RAB1A: variants seen among roughly 807,000 people sequenced by gnomAD.
RAB1A encodes ras-related protein Rab-1A.
In RAB1A, 2 loss-of-function variants were observed where a neutral mutation model predicts 26.0. The observed-to-expected ratio is 0.08, with a 90% CI of 0.03 to 0.24. The LOEUF (loss-of-function observed/expected upper bound fraction) is 0.24. Among genes scored for constraint, RAB1A ranks in the 10% least tolerant of loss-of-function variants. RAB1A has a pLI of 1.00. For missense variants in RAB1A, 100 were observed against 247.0 expected (o/e 0.40, Z 3.99); for synonymous variants, 84 against 84.9 (o/e 0.99, Z 0.06).
chr2:65,120,474 A>G (rs1176416537), intron 1 of RAB1A, among the ~76,000 whole-genome samples: 2 of 151,594 alleles, frequency 1.3e-5, no homozygotes, highest in Non-Finnish European at 2.9e-5. Context: ...AAAAAAAAAA[A>G]AAAAAACTCA....
chr2:65,127,064 C>A (rs1422911311), intron 1 of RAB1A, among the ~76,000 whole-genome samples: 1 of 152,134 alleles, frequency 6.6e-6, no homozygotes, highest in Non-Finnish European at 1.5e-5. Context: ...ACTAAACAGT[C>A]TAGAATACAA....
rs1265848277 is a variant in RAB1A at position 65,129,210 on chromosome 2, A to AAC, written c.23+682_23+683insGT. Among the ~76,000 whole-genome samples, 3 of 151,900 alleles carry AAC rather than the reference A, an allele frequency of 2.0e-5. No individual in the cohort carries two copies. In the South Asian group the frequency reaches 6.2e-4, roughly 32 times the overall value. ...TAGGTGTCCTCTTTAAAAAAAAAAA[A>AAC]AACAAAATTCTCACAAATGCCCAGG... On this transcript the variant is annotated intron_variant, in intron 1 of 5. Coordinates refer to ENST00000409784, the MANE Select transcript of RAB1A (RefSeq NM_004161.5).
chr2:65,105,267 G>A, intron 1 of RAB1A: 1 of 207,640 alleles, frequency 4.8e-6, no homozygotes, highest in Non-Finnish European at 9.9e-6. Flanking sequence ...CACTTTGGGA[G>A]GCTGAGGCAG....
At chr2:65,123,926 T>G (rs1573093404) in intron 1 of RAB1A, among the ~76,000 whole-genome samples, 1 of 152,230 alleles carries the variant, frequency 6.6e-6, no homozygotes, top group East Asian at 1.9e-4. Flanking sequence ...ACTAAAATAT[T>G]TGATGGTTAA....
intron 4 of RAB1A, 46 bp downstream of exon 4, chr2:65,090,937 G>C: frequency 7.7e-7 from 1 of 1,303,142 alleles, no homozygotes; most frequent in Non-Finnish European, 1.1e-6. Flanking sequence ...ATCAAATAAT[G>C]GCTTCCTACT....
At position 65,098,833 on chromosome 2, in the gene RAB1A, C is replaced by CTTTTT. The variant is rs1385281303; in HGVS notation, c.97-768_97-767insAAAAA. On this transcript the variant is annotated intron_variant, in intron 2 of 5. Transcript: ENST00000409784. The stretch of plus-strand genomic sequence containing the variant: ...ATCCATGTTGTACCATGTAACAGTA[C>CTTTTT]TTCTTTTTTTTTTTTTTTTTGAGGC... 2.9e-3 allele frequency among the ~76,000 whole-genome samples: 113 copies of CTTTTT among 39,504 alleles called. 3 individuals are homozygous for CTTTTT. In the East Asian group the frequency reaches 0.058, roughly 20 times the overall value. The allele number at this position is 39,504 out of a possible 152,430, so 25.9% of individuals were successfully genotyped here. A position where few individuals can be genotyped will look rare whatever the true frequency, so the allele number is the denominator to read the frequency against.
chr2:65,106,767 T>C (rs1376314241), intron 1 of RAB1A, among the ~76,000 whole-genome samples: 2 of 151,240 alleles, frequency 1.3e-5, no homozygotes, highest in African/African-American at 2.4e-5. Flanking sequence ...TAGAATATTA[T>C]CCTTAATAAA....
intron 1 of RAB1A, among the ~76,000 whole-genome samples, chr2:65,117,962 T>G (rs907566406): frequency 1.3e-5 from 2 of 152,228 alleles, no homozygotes; most frequent in Non-Finnish European, 2.9e-5. Flanking sequence ...GAGTTAAAAT[T>G]CCAATTCAGT....
chr2:65,095,132 A>G (rs982969410), intron 3 of RAB1A, among the ~76,000 whole-genome samples: 7 of 152,178 alleles, frequency 4.6e-5, no homozygotes, highest in African/African-American at 1.7e-4. Context: ...AAAAAGAAAA[A>G]AAGAAGAATC....
chr2:65,094,526 G>A (rs1669240314), intron 3 of RAB1A, among the ~76,000 whole-genome samples: 1 of 150,564 alleles, frequency 6.6e-6, no homozygotes, highest in African/African-American at 2.4e-5. Flanking sequence ...GGAGGTTGCA[G>A]TGAGCCGAGA....
intron 1 of RAB1A, among the ~76,000 whole-genome samples, chr2:65,124,235 C>T (rs1670042110): frequency 6.6e-6 from 1 of 152,078 alleles, no homozygotes; most frequent in African/African-American, 2.4e-5. Context: ...CTGCCTGCCT[C>T]GGCCTCCCAA....
At chr2:65,110,795 G>A (rs898810742) in intron 1 of RAB1A, among the ~76,000 whole-genome samples, 2 of 151,926 alleles carry the variant, frequency 1.3e-5, no homozygotes, top group Non-Finnish European at 2.9e-5. Context: ...AATTAGCTGG[G>A]TGTGGTGGTC....
chr2:65,112,630 A>T (rs1264373381), intron 1 of RAB1A, among the ~76,000 whole-genome samples: 2 of 152,168 alleles, frequency 1.3e-5, no homozygotes, highest in African/African-American at 2.4e-5. Context: ...ATTTTAATTT[A>T]AAAAGTTCAC....
Position 65,086,945 on chromosome 2 carries a change from A to C in RAB1A, c.*1548T>G, listed in dbSNP as rs543511407. Reference sequence around the variant, plus strand: ...TCATTTTACAATTATCTTACCACTTATTTTTGTACCATGTATTTCAATTGC... The same window carrying C: ...TCATTTTACAATTATCTTACCACTTCTTTTTGTACCATGTATTTCAATTGC... On this transcript the variant is annotated 3_prime_UTR_variant, in exon 6 of 6. Transcript: ENST00000409784. 1 of 152,690 alleles carries C rather than the reference A, an allele frequency of 6.5e-6. No individual in the cohort carries two copies. Among genetic ancestry groups the C allele is most frequent in the East Asian group, 1.9e-4 (1 of 5,192 alleles). The allele number at this position is 152,690 out of a possible 1,614,324, so 9.5% of individuals were successfully genotyped here.
chr2:65,099,570 T>C (rs565148383), intron 2 of RAB1A, among the ~76,000 whole-genome samples: 7 of 152,344 alleles, frequency 4.6e-5, no homozygotes, highest in African/African-American at 1.7e-4. Flanking sequence ...GCCAATATGG[T>C]AGCCATTAGC....
intron 1 of RAB1A, among the ~76,000 whole-genome samples, chr2:65,110,159 C>T (rs1185056104): frequency 6.6e-6 from 1 of 152,004 alleles, no homozygotes; most frequent in Non-Finnish European, 1.5e-5. Context: ...ATACAGGAGC[C>T]GGTCGGGCTT....
intron 1 of RAB1A, among the ~76,000 whole-genome samples, chr2:65,108,606 A>G (rs1474720379): frequency 6.6e-6 from 1 of 152,110 alleles, no homozygotes; most frequent in Admixed American, 6.6e-5. Flanking sequence ...TGGGAGTTCG[A>G]GACCAGCCTG....
At chr2:65,091,561 T>G (rs1669172866) in intron 3 of RAB1A, among the ~76,000 whole-genome samples, 1 of 152,140 alleles carries the variant, frequency 6.6e-6, no homozygotes, top group African/African-American at 2.4e-5. Flanking sequence ...AGCGTCTCAT[T>G]CTGTCATCCA....
At position 65,088,706 on chromosome 2, in the gene RAB1A, G is replaced by A. The variant is rs370715029; in HGVS notation, c.421-16C>T. 8 of 1,580,088 alleles carry A rather than the reference G, an allele frequency of 5.1e-6. No individual in the cohort carries two copies. The African/African-American group carries it at 9.4e-5, about 19-fold the overall frequency. On this transcript the variant is annotated splice_polypyrimidine_tract_variant and intron_variant, in intron 5 of 5. Coordinates refer to ENST00000409784, the MANE Select transcript of RAB1A (RefSeq NM_004161.5). ...CAGCAAATTCCTAAGAGAATAATGA[G>A]GCACAATTAACACTGAAAAATCTTT...
Sources: allele counts gnomAD v4.1 joint callset (sites outside exome capture counted in the v4.1 genomes callset), GRCh38; gene constraint gnomAD v4.1.1; transcripts MANE v1.5; gene names NCBI Gene and HGNC (gene_info 2026-07-23, HGNC 2026-07-21).